Variants in SAMMSON observed in about 807,000 individuals in gnomAD.
SAMMSON encodes survival associated mitochondrial melanoma specific oncogenic non-coding RNA.
intron 9 of SAMMSON, among the ~76,000 whole-genome samples, chr3:70,369,010 G>T (rs1477634392): frequency 6.6e-6 from 1 of 151,492 alleles, no homozygotes; most frequent in African/African-American, 2.4e-5. Flanking sequence ...CATTTATGTA[G>T]ATTTTCTTTG....
At chr3:70,284,116 G>A (rs930246665) in intron 6 of SAMMSON, among the ~76,000 whole-genome samples, 3 of 152,096 alleles carry the variant, frequency 2.0e-5, no homozygotes, top group Non-Finnish European at 4.4e-5. Context: ...TCTTAAAACT[G>A]TTACAACGTT....
intron 1 of SAMMSON, among the ~76,000 whole-genome samples, chr3:70,000,925 T>C (rs1158471249): frequency 4.6e-5 from 7 of 152,190 alleles, no homozygotes; most frequent in Non-Finnish European, 8.8e-5. Flanking sequence ...AACCCTTGAC[T>C]ATTTATCTTG....
At chr3:70,103,078 G>T (rs760286470) in intron 4 of SAMMSON, among the ~76,000 whole-genome samples, 1 of 152,130 alleles carries the variant, frequency 6.6e-6, no homozygotes, top group Non-Finnish European at 1.5e-5. Flanking sequence ...GAGTGATGTG[G>T]ACTCTGGCAA....
At chr3:70,239,112 CT>C (rs1195910591) in intron 4 of SAMMSON, among the ~76,000 whole-genome samples, 2 of 152,134 alleles carry the variant, frequency 1.3e-5, no homozygotes, top group Non-Finnish European at 2.9e-5. Context: ...GATGTGGTTT[CT>C]GCTGAACTGG....
intron 9 of SAMMSON, among the ~76,000 whole-genome samples, chr3:70,375,336 A>G (rs1450859800): frequency 7.0e-6 from 1 of 142,180 alleles, no homozygotes; most frequent in Admixed American, 6.9e-5. Flanking sequence ...TATGGTTGTA[A>G]TTTTTTTCTG....
At chr3:70,087,215 C>T (rs543102835) in intron 4 of SAMMSON, among the ~76,000 whole-genome samples, 2 of 152,162 alleles carry the variant, frequency 1.3e-5, no homozygotes, top group East Asian at 1.9e-4. Context: ...CTTATTTGAC[C>T]CTGACTTTGT....
At chr3:70,322,959 C>G (rs1253876353) in intron 7 of SAMMSON, among the ~76,000 whole-genome samples, 1 of 151,994 alleles carries the variant, frequency 6.6e-6, no homozygotes, top group African/African-American at 2.4e-5. Flanking sequence ...AATGAGATTT[C>G]TGGAGAAGTC....
intron 4 of SAMMSON, among the ~76,000 whole-genome samples, chr3:70,216,846 G>A (rs1360053029): frequency 2.0e-5 from 3 of 152,048 alleles, no homozygotes; most frequent in African/African-American, 4.8e-5. Context: ...TTATGACTGG[G>A]CTAGATGCGC....
intron 2 of SAMMSON, among the ~76,000 whole-genome samples, chr3:70,431,987 G>A (rs934483071): frequency 6.6e-6 from 1 of 151,478 alleles, no homozygotes; most frequent in African/African-American, 2.4e-5. Flanking sequence ...AGCATATTTT[G>A]TTTCTGCTTT....
intron 7 of SAMMSON, among the ~76,000 whole-genome samples, chr3:70,347,340 T>A (rs1559569197): frequency 6.6e-6 from 1 of 152,180 alleles, no homozygotes. Context: ...GGGAGGGCAA[T>A]TAAAAGATAG....
At chr3:70,038,753 T>C (rs1391737886) in intron 3 of SAMMSON, among the ~76,000 whole-genome samples, 2 of 152,198 alleles carry the variant, frequency 1.3e-5, no homozygotes, top group African/African-American at 2.4e-5. Flanking sequence ...CACAGTCAGA[T>C]GAAGCCTCTA....
At chr3:70,413,370 A>G (rs1385205916) in intron 2 of SAMMSON, among the ~76,000 whole-genome samples, 2 of 152,080 alleles carry the variant, frequency 1.3e-5, no homozygotes, top group African/African-American at 2.4e-5. Context: ...AAATTTTCTG[A>G]AATTGCTCTT....
intron 4 of SAMMSON, among the ~76,000 whole-genome samples, chr3:70,231,422 T>C (rs999096166): frequency 1.3e-5 from 2 of 152,186 alleles, no homozygotes; most frequent in Admixed American, 1.3e-4. Context: ...CCCCCAGAGC[T>C]CCCGACGCCT....
At chr3:70,186,805 T>C (rs1701095591) in intron 4 of SAMMSON, among the ~76,000 whole-genome samples, 1 of 152,212 alleles carries the variant, frequency 6.6e-6, no homozygotes, top group Admixed American at 6.5e-5. Context: ...CTCTTGCCAT[T>C]CTTTTATATT....
intron 6 of SAMMSON, among the ~76,000 whole-genome samples, chr3:70,265,435 G>C (rs1242640628): frequency 6.6e-6 from 1 of 152,036 alleles, no homozygotes; most frequent in African/African-American, 2.4e-5. Flanking sequence ...CTTGATTTTA[G>C]GATTTGATGA....
intron 4 of SAMMSON, among the ~76,000 whole-genome samples, chr3:70,191,257 C>G (rs1299679866): frequency 6.6e-6 from 1 of 152,036 alleles, no homozygotes; most frequent in Non-Finnish European, 1.5e-5. Flanking sequence ...GAACAATAAA[C>G]CATAAAAGAG....
intron 4 of SAMMSON, among the ~76,000 whole-genome samples, chr3:70,202,672 G>A (rs1257107885): frequency 1.3e-5 from 2 of 152,084 alleles, no homozygotes; most frequent in Non-Finnish European, 2.9e-5. Context: ...GTGTTTTGCT[G>A]GGAGCAAAAA....
intron 7 of SAMMSON, among the ~76,000 whole-genome samples, chr3:70,349,248 C>T (rs931652530): frequency 1.3e-5 from 2 of 152,098 alleles, no homozygotes; most frequent in African/African-American, 2.4e-5. Context: ...GTGGCAGGTG[C>T]CTGTAATCCC....
At chr3:70,010,365 G>C (rs937387615) in intron 1 of SAMMSON, among the ~76,000 whole-genome samples, 4 of 152,116 alleles carry the variant, frequency 2.6e-5, no homozygotes, top group African/African-American at 9.7e-5. Flanking sequence ...AGCTCTTCAT[G>C]TGGAATTGTT....
Sources: allele counts gnomAD v4.1 joint callset (sites outside exome capture counted in the v4.1 genomes callset), GRCh38; gene constraint gnomAD v4.1.1; transcripts MANE v1.5; gene names NCBI Gene and HGNC (gene_info 2026-07-23, HGNC 2026-07-21).